The following PRKG1 variants were observed in gnomAD, a reference collection of about 807,000 sequenced individuals.
PRKG1 encodes protein kinase cGMP-dependent 1.
Under a neutral mutation model 88.1 loss-of-function variants are expected in PRKG1, and 35 were observed. The observed-to-expected ratio is 0.40, with a 90% CI of 0.30 to 0.53. The LOEUF (loss-of-function observed/expected upper bound fraction) is 0.53. Ranked by LOEUF, PRKG1 falls within the 20% of genes least tolerant of loss-of-function variation. PRKG1 has a pLI of 0.59. For synonymous variants in PRKG1, 303 were observed against 292.5 expected, an observed-to-expected ratio of 1.04 and a Z score of -0.37; for missense variants, 540 against 839.8, an observed-to-expected ratio of 0.64 and a Z score of 4.41.
intron 2 of PRKG1, among the ~76,000 whole-genome samples, chr10:51,312,716 T>C (rs1841221523): frequency 1.3e-5 from 2 of 150,398 alleles, no homozygotes; most frequent in Admixed American, 1.3e-4. Context: ...TCAGTGTTTA[T>C]ATAAACATAT....
intron 5 of PRKG1, among the ~76,000 whole-genome samples, chr10:51,958,124 T>C (rs1253351967): frequency 1.3e-5 from 2 of 152,200 alleles, no homozygotes; most frequent in African/African-American, 4.8e-5. Flanking sequence ...CTAGAGCAGA[T>C]GTTCCCTGGA....
At chr10:51,833,441 T>C (rs932269664) in intron 4 of PRKG1, among the ~76,000 whole-genome samples, 3 of 152,212 alleles carry the variant, frequency 2.0e-5, no homozygotes, top group Admixed American at 1.3e-4. Flanking sequence ...CTGATAGGTA[T>C]GTATTATTCC....
intron 9 of PRKG1, among the ~76,000 whole-genome samples, chr10:52,165,618 G>A (rs1002370421): frequency 2.6e-5 from 4 of 151,978 alleles, no homozygotes; most frequent in African/African-American, 4.8e-5. Context: ...CAAAACCTAC[G>A]GAAGATAAGA....
At chr10:51,856,618 C>A (rs1012394539) in intron 4 of PRKG1, among the ~76,000 whole-genome samples, 4 of 152,016 alleles carry the variant, frequency 2.6e-5, no homozygotes, top group Non-Finnish European at 5.9e-5. Flanking sequence ...AATGATATAA[C>A]GAAGTATTAA....
intron 4 of PRKG1, among the ~76,000 whole-genome samples, chr10:51,893,643 A>G (rs536026431): frequency 6.6e-6 from 1 of 152,320 alleles, no homozygotes; most frequent in South Asian, 2.1e-4. Context: ...TATATTAAGT[A>G]TAGCATTACA....
intron 4 of PRKG1, among the ~76,000 whole-genome samples, chr10:51,861,928 C>G (rs1840885074): frequency 6.6e-6 from 1 of 152,168 alleles, no homozygotes; most frequent in African/African-American, 2.4e-5. Flanking sequence ...CTCACACTAC[C>G]AGTCCTGATC....
At chr10:52,244,214 T>A (rs1388434360) in intron 9 of PRKG1, among the ~76,000 whole-genome samples, 2 of 152,076 alleles carry the variant, frequency 1.3e-5, no homozygotes, top group Non-Finnish European at 2.9e-5. Flanking sequence ...AGAGATTTTT[T>A]AAAACTTTAT....
At chr10:51,720,614 A>C (rs1841990154) in intron 3 of PRKG1, among the ~76,000 whole-genome samples, 1 of 152,196 alleles carries the variant, frequency 6.6e-6, no homozygotes, top group Non-Finnish European at 1.5e-5. Context: ...GAAAAGGAGC[A>C]CTGTGCATAC....
intron 2 of PRKG1, among the ~76,000 whole-genome samples, chr10:51,399,271 A>G (rs1230169513): frequency 6.6e-6 from 1 of 152,160 alleles, no homozygotes; most frequent in Admixed American, 6.6e-5. Flanking sequence ...CATATGATAC[A>G]TAGCATGCCG....
intron 2 of PRKG1, among the ~76,000 whole-genome samples, chr10:51,155,038 T>C (rs1476840857): frequency 6.6e-6 from 1 of 152,040 alleles, no homozygotes; most frequent in African/African-American, 2.4e-5. Flanking sequence ...AGATATTATA[T>C]TGGTCAGCAC....
intron 3 of PRKG1, among the ~76,000 whole-genome samples, chr10:51,486,409 T>G (rs888626476): frequency 6.6e-6 from 1 of 152,190 alleles, no homozygotes; most frequent in African/African-American, 2.4e-5. Flanking sequence ...GTTTCACAAT[T>G]GTATACTTAC....
chr10:52,044,036 CT>C (rs1255924827), intron 5 of PRKG1, among the ~76,000 whole-genome samples: 1 of 151,874 alleles, frequency 6.6e-6, no homozygotes, highest in African/African-American at 2.4e-5. Flanking sequence ...CAACAGTTGT[CT>C]TTGAATCATA....
chr10:52,267,712 T>C (rs1323899733), intron 10 of PRKG1, among the ~76,000 whole-genome samples: 1 of 152,090 alleles, frequency 6.6e-6, no homozygotes, highest in Non-Finnish European at 1.5e-5. Flanking sequence ...ATAAAATGCA[T>C]GCTGACTTGT....
chr10:51,463,069 A>G (rs1386294401), intron 2 of PRKG1, among the ~76,000 whole-genome samples: 1 of 152,168 alleles, frequency 6.6e-6, no homozygotes, highest in Non-Finnish European at 1.5e-5. Context: ...GAACTTAGTA[A>G]GGTGCTTGGA....
At chr10:52,073,449 G>A (rs1306364711) in intron 7 of PRKG1, among the ~76,000 whole-genome samples, 5 of 152,100 alleles carry the variant, frequency 3.3e-5, no homozygotes, top group Admixed American at 6.6e-5. Context: ...TATCATTGCC[G>A]CAGTCTCATG....
At chr10:51,400,714 GTTC>G (rs1410037611) in intron 2 of PRKG1, among the ~76,000 whole-genome samples, 1 of 152,134 alleles carries the variant, frequency 6.6e-6, no homozygotes, top group Non-Finnish European at 1.5e-5. Flanking sequence ...CCTTTGTTTG[GTTC>G]TTCTTAGTTT....
chr10:51,621,758 C>A (rs1285423294), intron 3 of PRKG1, among the ~76,000 whole-genome samples: 1 of 152,210 alleles, frequency 6.6e-6, no homozygotes, highest in Admixed American at 6.5e-5. Flanking sequence ...TCCTCTCTAT[C>A]TGTGTAATTC....
chr10:51,547,958 AT>A (rs1294753115), intron 3 of PRKG1, among the ~76,000 whole-genome samples: 2 of 152,048 alleles, frequency 1.3e-5, no homozygotes, highest in African/African-American at 2.4e-5. Context: ...GGCTTAATTC[AT>A]TTTTTTAAGC....
intron 9 of PRKG1, among the ~76,000 whole-genome samples, chr10:52,224,972 T>C (rs188229123): frequency 4.5e-4 from 69 of 151,916 alleles, no homozygotes; most frequent in African/African-American, 1.6e-3. Flanking sequence ...TTTCAAGTAA[T>C]GACTTCTTTT....
Sources: gnomAD v4.1 joint callset for allele counts (sites outside exome capture counted in the v4.1 genomes callset) on GRCh38, gnomAD v4.1.1 for gene constraint, MANE v1.5 for transcripts, NCBI Gene and HGNC (gene_info 2026-07-23, HGNC 2026-07-21) for gene names.